Variants in RAP1GAP2 observed in about 807,000 individuals in gnomAD.
The protein encoded by RAP1GAP2 is rap1 GTPase-activating protein 2.
A neutral mutation model predicts 95.0 loss-of-function variants in RAP1GAP2; 27 were observed. The ratio of observed to expected loss-of-function variants is 0.28; its 90% CI spans 0.21 to 0.39. The LOEUF (loss-of-function observed/expected upper bound fraction) is 0.39. RAP1GAP2 is among the 10% of genes least tolerant of loss of function. The pLI, the probability that RAP1GAP2 is intolerant of heterozygous loss-of-function variation, is 1.00. For missense variants in RAP1GAP2, 771 were observed against 970.0 expected, an observed-to-expected ratio of 0.79 and a Z score of 2.72; for synonymous variants, 373 against 380.9, an observed-to-expected ratio of 0.98 and a Z score of 0.24.
At chr17:2,909,505 C>T (rs187745807) in intron 3 of RAP1GAP2, among the ~76,000 whole-genome samples, 64 of 152,226 alleles carry the variant, frequency 4.2e-4, no homozygotes, top group African/African-American at 1.3e-3. Flanking sequence ...GGCAGGGGTG[C>T]TCAGGAATCT....
rs535418681 is a variant in RAP1GAP2, at chr17:2,821,630, TC to T, written c.80+21083del. Among the ~76,000 whole-genome samples, 478 of 152,200 alleles carry T rather than the reference TC, an allele frequency of 3.1e-3. 2 individuals are homozygous for T. Among genetic ancestry groups the T allele is most frequent in the Non-Finnish European group, 5.0e-3 (338 of 67,994 alleles). ...CTCAAGCAATCCATCCGCCTTGGCC[TC>T]CCAAAGTGCTGGGATTACAGGTGTG... On this transcript the variant is annotated intron_variant, in intron 2 of 24. Transcript: ENST00000254695.
Position 2,984,926 on chromosome 17 carries a change from T to A in RAP1GAP2, c.730-57T>A, listed in dbSNP as rs2045502993. 3.1e-6 allele frequency: 5 copies of A among 1,597,810 alleles called. No homozygotes were observed. The Admixed American group carries it at 8.5e-5, about 27-fold the overall frequency. ...GATGCTTCCCCTGCCATGTGCTTCC[T>A]CACTTGCTTCCAAATTTAACAAATG... On this transcript the variant is annotated intron_variant, in intron 10 of 24. Coordinates refer to ENST00000254695, the MANE Select transcript of RAP1GAP2 (RefSeq NM_015085.5).
intron 2 of RAP1GAP2, among the ~76,000 whole-genome samples, chr17:2,854,416 G>A (rs967355135): frequency 6.6e-6 from 1 of 152,338 alleles, no homozygotes; most frequent in East Asian, 1.9e-4. Context: ...GCCTGCAGCC[G>A]CGGATGCCAT....
At chr17:2,898,316 T>G (rs1224043842) in intron 2 of RAP1GAP2, among the ~76,000 whole-genome samples, 1 of 152,182 alleles carries the variant, frequency 6.6e-6, no homozygotes, top group African/African-American at 2.4e-5. Flanking sequence ...AGGTCAGCCC[T>G]GCCAGGTAGG....
Position 3,033,917 on chromosome 17 carries a change from C to T in RAP1GAP2, c.*556C>T, listed in dbSNP as rs1439021776. The T allele has an allele frequency of 4.6e-5, 7 of 152,308 alleles. No homozygotes were observed. Among genetic ancestry groups the T allele is most frequent in the Non-Finnish European group, 8.8e-5 (6 of 68,124 alleles). 9.4% of individuals were successfully genotyped at this position (152,308 alleles called of 1,614,324 possible). On this transcript the variant is annotated 3_prime_UTR_variant, in exon 25 of 25. Coordinates refer to ENST00000254695, the MANE Select transcript of RAP1GAP2 (RefSeq NM_015085.5). The surrounding 1 kb of genome is among the most constrained non-coding windows in gnomAD (Gnocchi z 4.9). ...ATCCTGATAAAATTCGGCGCTATTG[C>T]CCCCGTAGCTCTGGAGCTCTAAACC...
chr17:2,896,851 G>T (rs534092106), intron 2 of RAP1GAP2, among the ~76,000 whole-genome samples: 8 of 152,218 alleles, frequency 5.3e-5, no homozygotes, highest in Admixed American at 5.2e-4. Flanking sequence ...AGTCTGGCCC[G>T]GGCCTCCCCT....
chr17:2,873,515 G>T (rs1285037940), intron 2 of RAP1GAP2, among the ~76,000 whole-genome samples: 6 of 116,836 alleles, frequency 5.1e-5, no homozygotes, highest in African/African-American at 1.6e-4. Context: ...AAAAAAAGCA[G>T]CAGCAGCTGC....
chr17:2,942,591 T>G (rs1038668658), intron 3 of RAP1GAP2, among the ~76,000 whole-genome samples: 1 of 152,022 alleles, frequency 6.6e-6, no homozygotes, highest in African/African-American at 2.4e-5. Flanking sequence ...CCGCCCCCTT[T>G]GGAATGGCCG....
intron 2 of RAP1GAP2, among the ~76,000 whole-genome samples, chr17:2,862,311 C>T (rs1474912150): frequency 6.6e-6 from 1 of 152,138 alleles, no homozygotes; most frequent in African/African-American, 2.4e-5. Context: ...GGACAGTCGC[C>T]ATTAGCCAAT....
chr17:2,912,041 A>AGT (rs2042401620), intron 3 of RAP1GAP2, among the ~76,000 whole-genome samples: 1 of 152,142 alleles, frequency 6.6e-6, no homozygotes, highest in East Asian at 1.9e-4. Context: ...GTGCGCTTGG[A>AGT]GTTCCCACTG....
At chr17:2,773,209 T>C (rs2068432057), upstream of RAP1GAP2, among the ~76,000 whole-genome samples, 1 of 152,114 alleles carries the variant, frequency 6.6e-6, no homozygotes, top group Admixed American at 6.6e-5. Context: ...CCTAGTCAAG[T>C]TCCAGAGTCA....
At position 3,036,334 on chromosome 17, in the gene RAP1GAP2, T is replaced by G. The variant is rs2047465001; in HGVS notation, c.*2973T>G. 2 of 152,128 alleles carry G rather than the reference T, an allele frequency of 1.3e-5. No individual in the cohort carries two copies. Among genetic ancestry groups the G allele is most frequent in the African/African-American group, 2.4e-5 (1 of 41,422 alleles). 9.4% of individuals were successfully genotyped at this position (152,128 alleles called of 1,614,324 possible). A position where few individuals can be genotyped will look rare whatever the true frequency, so the allele number is the denominator to read the frequency against. On this transcript the variant is annotated 3_prime_UTR_variant, in exon 25 of 25. Transcript: ENST00000254695. Reference sequence around the variant, plus strand: ...AGCTGGCTGTTGGCAAAGCTGGGATTAGAACCCTCAACCCAGGGTCCCTTC... The same window carrying G: ...AGCTGGCTGTTGGCAAAGCTGGGATGAGAACCCTCAACCCAGGGTCCCTTC...
intron 8 of RAP1GAP2, among the ~76,000 whole-genome samples, chr17:2,968,233 A>T (rs1256563477): frequency 6.6e-6 from 1 of 152,198 alleles, no homozygotes; most frequent in Non-Finnish European, 1.5e-5. Flanking sequence ...AGTTAGGGAG[A>T]TAATAAAATA....
In RAP1GAP2 at chr17:2,906,103, C is replaced by T. The variant is rs2042191159; in HGVS notation, c.165+735C>T. 6.6e-6 allele frequency among the ~76,000 whole-genome samples: 1 copy of T among 152,184 alleles called. No individual in the cohort carries two copies. Among genetic ancestry groups the T allele is most frequent in the African/African-American group, 2.4e-5 (1 of 41,454 alleles). The stretch of plus-strand genomic sequence containing the variant: ...ACGCTCTCCCTCCCTCCCTCCCTGC[C>T]TCCCTCCTTCCTTCACACTCTGTGG... On this transcript the variant is annotated intron_variant, in intron 3 of 24. Coordinates refer to ENST00000254695, the MANE Select transcript of RAP1GAP2 (RefSeq NM_015085.5). The surrounding 1 kb of genome is among the most constrained non-coding windows in gnomAD (Gnocchi z 4.3).
rs1046674070 is a variant in RAP1GAP2 at position 2,995,245 on chromosome 17, C to T, written c.915-92C>T. ...TCTCCTGTCTCCTCTGCTGCGTATC[C>T]TCTGCTGCGTATACTTAGGGGAGCT... On this transcript the variant is annotated intron_variant, in intron 12 of 24. Transcript: ENST00000254695. 39 of 1,457,252 alleles carry T rather than the reference C, an allele frequency of 2.7e-5. 1 individual carries two copies. The African/African-American group carries it at 4.2e-4, about 16-fold the overall frequency. The allele number at this position is 1,457,252 out of a possible 1,614,324, so 90.3% of individuals were successfully genotyped here.
intron 8 of RAP1GAP2, among the ~76,000 whole-genome samples, chr17:2,978,406 G>C (rs1384622653): frequency 1.3e-5 from 2 of 152,178 alleles, no homozygotes; most frequent in African/African-American, 2.4e-5. Context: ...ATAAGTGACT[G>C]ATGGGTAGGG....
At chr17:3,002,424 G>C (rs2046192664) in intron 14 of RAP1GAP2, among the ~76,000 whole-genome samples, 1 of 152,190 alleles carries the variant, frequency 6.6e-6, no homozygotes, top group African/African-American at 2.4e-5. Context: ...TGTGAATGAG[G>C]CCAGGGAGGG....
chr17:2,955,999 G>A (rs550105870), intron 3 of RAP1GAP2, among the ~76,000 whole-genome samples: 2 of 152,310 alleles, frequency 1.3e-5, no homozygotes, highest in South Asian at 2.1e-4. Context: ...ACGTGGAATC[G>A]CGTGTCAGAG....
At chr17:2,895,771 CT>C (rs1208563154) in intron 2 of RAP1GAP2, among the ~76,000 whole-genome samples, 8 of 152,068 alleles carry the variant, frequency 5.3e-5, no homozygotes, top group Middle Eastern at 3.2e-3. Context: ...AGATATGAGG[CT>C]TCACCACATT....
Sources: allele counts gnomAD v4.1 joint callset (sites outside exome capture counted in the v4.1 genomes callset), GRCh38; gene constraint gnomAD v4.1.1; non-coding constraint Gnocchi (gnomAD v3.1); transcripts MANE v1.5; gene names NCBI Gene and HGNC (gene_info 2026-07-23, HGNC 2026-07-21).